Variants in HEMK2 observed in about 807,000 individuals in gnomAD.
The protein encoded by HEMK2 is HemK methyltransferase 2, ETF1 glutamine and histone H4 lysine, also known as methyltransferase HEMK2.
At chr21:28,849,956 T>C in the HEMK2 span, among the ~76,000 whole-genome samples, 10 of 152,348 alleles carry the variant, frequency 6.6e-5, no homozygotes, top group East Asian at 1.7e-3. Context: ...ATATCATCCA[T>C]GAAAATTCTC....
the HEMK2 span, among the ~76,000 whole-genome samples, chr21:28,660,029 A>G: frequency 1.3e-5 from 2 of 151,940 alleles, no homozygotes; most frequent in African/African-American, 4.8e-5. Flanking sequence ...GTTTTGCACA[A>G]CTTTTAATAG....
At chr21:28,717,193 C>G in the HEMK2 span, among the ~76,000 whole-genome samples, 1 of 152,088 alleles carries the variant, frequency 6.6e-6, no homozygotes, top group African/African-American at 2.4e-5. Flanking sequence ...GGATTGGGAC[C>G]AGCTCTTCTT....
At chr21:28,736,647 C>T in the HEMK2 span, among the ~76,000 whole-genome samples, 37 of 152,092 alleles carry the variant, frequency 2.4e-4, no homozygotes, top group Non-Finnish European at 5.1e-4. Flanking sequence ...TGCCTGTAAT[C>T]CCAGCTACTC....
the HEMK2 span, among the ~76,000 whole-genome samples, chr21:28,648,849 T>C: frequency 6.6e-6 from 1 of 152,144 alleles, no homozygotes; most frequent in Non-Finnish European, 1.5e-5. Context: ...GTTAGCTACA[T>C]ATGTATACAT....
the HEMK2 span, among the ~76,000 whole-genome samples, chr21:28,633,134 G>C: frequency 6.6e-6 from 1 of 152,168 alleles, no homozygotes; most frequent in Non-Finnish European, 1.5e-5. Flanking sequence ...CATCACTATA[G>C]AAGGAGTACT....
chr21:28,619,782 A>G, the HEMK2 span, among the ~76,000 whole-genome samples: 6 of 152,158 alleles, frequency 3.9e-5, no homozygotes, highest in Non-Finnish European at 7.3e-5. Context: ...TATGGTTTCA[A>G]TTTGGGTTTG....
At chr21:28,624,063 T>C in the HEMK2 span, among the ~76,000 whole-genome samples, 3 of 152,208 alleles carry the variant, frequency 2.0e-5, no homozygotes, top group Admixed American at 1.3e-4. Flanking sequence ...ACTAGAAGGC[T>C]GTAAAACTGA....
At chr21:28,810,680 A>C in the HEMK2 span, among the ~76,000 whole-genome samples, 2 of 152,176 alleles carry the variant, frequency 1.3e-5, no homozygotes, top group Non-Finnish European at 2.9e-5. Flanking sequence ...AAACTAATAG[A>C]CAATATCGAG....
chr21:28,693,946 A>G, the HEMK2 span, among the ~76,000 whole-genome samples: 1 of 152,176 alleles, frequency 6.6e-6, no homozygotes, highest in Admixed American at 6.5e-5. Context: ...TTTTTTTCAA[A>G]GTATTTCCAG....
the HEMK2 span, among the ~76,000 whole-genome samples, chr21:28,772,497 T>C: frequency 6.6e-6 from 1 of 152,202 alleles, no homozygotes; most frequent in East Asian, 1.9e-4. Flanking sequence ...TTTTATCCAA[T>C]TCTGGGTAAA....
the HEMK2 span, among the ~76,000 whole-genome samples, chr21:28,598,406 T>A: frequency 2.4e-3 from 362 of 152,224 alleles, 4 homozygotes; most frequent in African/African-American, 8.6e-3. Flanking sequence ...TTGTGATAAA[T>A]CTCCAAAAAT....
At chr21:28,723,610 TCTTCAA>T in the HEMK2 span, among the ~76,000 whole-genome samples, 1 of 152,168 alleles carries the variant, frequency 6.6e-6, no homozygotes, top group African/African-American at 2.4e-5. Context: ...AGATTCTTGC[TCTTCAA>T]CTTCAAGTTT....
chr21:28,781,361 G>A, the HEMK2 span, among the ~76,000 whole-genome samples: 3 of 152,190 alleles, frequency 2.0e-5, no homozygotes, highest in South Asian at 2.1e-4. Context: ...CTCCCAGAAG[G>A]ATCATTGAGT....
the HEMK2 span, among the ~76,000 whole-genome samples, chr21:28,876,666 C>T: frequency 6.6e-6 from 1 of 152,082 alleles, no homozygotes; most frequent in Admixed American, 6.5e-5. Context: ...AATGGGAGCA[C>T]TTGGTATTTT....
the HEMK2 span, among the ~76,000 whole-genome samples, chr21:28,828,306 G>T: frequency 1.3e-5 from 2 of 152,152 alleles, no homozygotes; most frequent in African/African-American, 4.8e-5. Context: ...AGATGCACAT[G>T]TTGGGCTTAT....
the HEMK2 span, among the ~76,000 whole-genome samples, chr21:28,778,464 C>A: frequency 2.0e-5 from 3 of 152,202 alleles, no homozygotes; most frequent in Non-Finnish European, 4.4e-5. Context: ...ACTGCTGGGT[C>A]CTATGGCAAT....
chr21:28,671,847 T>A, the HEMK2 span, among the ~76,000 whole-genome samples: 86 of 152,332 alleles, frequency 5.6e-4, no homozygotes, highest in Middle Eastern at 6.8e-3. Flanking sequence ...AGTTTTAATG[T>A]CACACGTAAA....
the HEMK2 span, among the ~76,000 whole-genome samples, chr21:28,778,563 C>T: frequency 6.6e-6 from 1 of 152,128 alleles, no homozygotes; most frequent in African/African-American, 2.4e-5. Flanking sequence ...TAGAAGTGGT[C>T]AAGGTTCTCT....
the HEMK2 span, among the ~76,000 whole-genome samples, chr21:28,759,550 A>T: frequency 0.19 from 29,143 of 152,112 alleles, 3,494 homozygotes; most frequent in African/African-American, 0.34. Flanking sequence ...TTGAGAAGGC[A>T]TGATTGATTC....
Sources: gnomAD v4.1 joint callset for allele counts (sites outside exome capture counted in the v4.1 genomes callset) on GRCh38, gnomAD v4.1.1 for gene constraint, MANE v1.5 for transcripts, NCBI Gene and HGNC (gene_info 2026-07-23, HGNC 2026-07-21) for gene names.